CEP120: variants seen among roughly 807,000 people sequenced by gnomAD.
CEP120 encodes centrosomal protein of 120 kDa.
Under a neutral mutation model 126.5 loss-of-function variants are expected in CEP120, and 113 were observed. That is an observed-to-expected ratio of 0.89 (90% CI 0.77 to 1.04). The LOEUF (loss-of-function observed/expected upper bound fraction) is 1.04. Ranked by LOEUF, CEP120 falls within the 50% of genes least tolerant of loss-of-function variation. The pLI is 0.00. For missense variants in CEP120, 1,230 were observed against 1,155.7 expected, an observed-to-expected ratio of 1.06 and a Z score of -0.93; for synonymous variants, 400 against 394.3, an observed-to-expected ratio of 1.01 and a Z score of -0.17.
chr5:123,370,361 C>T (rs1181084113), intron 17 of CEP120, among the ~76,000 whole-genome samples: 2 of 152,008 alleles, frequency 1.3e-5, no homozygotes, highest in Admixed American at 6.6e-5. Context: ...TCTCTCCCTG[C>T]CACACTTTAG....
intron 11 of CEP120, among the ~76,000 whole-genome samples, chr5:123,383,338 A>C (rs1771790417): frequency 6.6e-6 from 1 of 152,088 alleles, no homozygotes; most frequent in African/African-American, 2.4e-5. Flanking sequence ...AAAAGGTATA[A>C]AGGTGAAATT....
chr5:123,418,891 GT>G (rs569320795), intron 1 of CEP120, among the ~76,000 whole-genome samples: 12 of 152,182 alleles, frequency 7.9e-5, no homozygotes, highest in Non-Finnish European at 1.3e-4. Context: ...CCTAGCATGT[GT>G]TTTTTTAAAA....
chr5:123,347,999 G>C (rs1166596202), intron 19 of CEP120, among the ~76,000 whole-genome samples: 1 of 152,090 alleles, frequency 6.6e-6, no homozygotes, highest in Non-Finnish European at 1.5e-5. Flanking sequence ...ACAGTGGTAA[G>C]AACACCCCAG....
rs750882552 is a variant in CEP120, at chr5:123,377,437, T to C, written c.2295A>G (p.Gln765=). The C allele has an allele frequency of 4.3e-6, 7 of 1,612,148 alleles. No homozygotes were observed. The highest frequency in any genetic ancestry group is 5.9e-6 in the Non-Finnish European group (7 of 1,179,336). ...TGATTTTTAACCTTTCTAGTTCTAC[T>C]TGGTGAATACAGTCCTCTTTGGCCC... The part of the protein sequence containing the change: ...IRRAKEDCIH[Q]VELERLKIKQ... Residue 765 remains glutamine, a synonymous_variant, in exon 16 of 20, where the codon CAA becomes CAG. Coordinates refer to ENST00000306467, the MANE Select transcript of CEP120 (RefSeq NM_001375405.1).
chr5:123,422,201 C>T (rs1002214456), intron 1 of CEP120, among the ~76,000 whole-genome samples: 4 of 152,080 alleles, frequency 2.6e-5, no homozygotes, highest in Non-Finnish European at 5.9e-5. Flanking sequence ...GCCTGGAATG[C>T]CCTTCCTTTT....
intron 18 of CEP120, among the ~76,000 whole-genome samples, chr5:123,362,040 T>C (rs1197643460): frequency 6.6e-6 from 1 of 151,748 alleles, no homozygotes; most frequent in African/African-American, 2.4e-5. Flanking sequence ...TTTCTACTAT[T>C]TATGCTGCTT....
rs528242133 is a variant in CEP120 at position 123,380,478 on chromosome 5, T to C, written c.2103+1633A>G. Among the ~76,000 whole-genome samples the C allele has an allele frequency of 2.6e-5, 4 of 152,086 alleles. No individual in the cohort carries two copies. In the South Asian group the frequency reaches 8.3e-4, roughly 32 times the overall value. ...TATTAACTAGCCAGGAACTCATCAT[T>C]TCAGGCTGAAAGGGTAGAAGTGTAT... is the stretch of plus-strand genomic sequence containing the variant. On this transcript the variant is annotated intron_variant, in intron 14 of 19. Transcript: ENST00000306467.
At chr5:123,397,461 T>C (rs187723029) in intron 5 of CEP120, among the ~76,000 whole-genome samples, 5 of 152,348 alleles carry the variant, frequency 3.3e-5, no homozygotes, top group Admixed American at 3.3e-4. Flanking sequence ...AATAGATATC[T>C]GGCTTTCCCT....
intron 3 of CEP120, among the ~76,000 whole-genome samples, chr5:123,414,512 G>T (rs1262325494): frequency 2.0e-5 from 3 of 152,110 alleles, no homozygotes; most frequent in Non-Finnish European, 4.4e-5. Flanking sequence ...CCCAATTTAA[G>T]ATTCAAATCA....
At chr5:123,382,944 A>G (rs753002379) in intron 12 of CEP120, 42 bp downstream of exon 12, 1 of 1,601,368 alleles carries the variant, frequency 6.2e-7, no homozygotes, top group East Asian at 2.2e-5. Flanking sequence ...TGCACATTAG[A>G]TTCCTTTTAA....
At chr5:123,416,853 T>C (rs1235367125) in intron 2 of CEP120, among the ~76,000 whole-genome samples, 1 of 152,066 alleles carries the variant, frequency 6.6e-6, no homozygotes, top group Non-Finnish European at 1.5e-5. Flanking sequence ...ATAGCTCTTT[T>C]GTAGCTAAAA....
chr5:123,360,157 T>C (rs770900411), intron 18 of CEP120, among the ~76,000 whole-genome samples: 1 of 151,956 alleles, frequency 6.6e-6, no homozygotes, highest in Non-Finnish European at 1.5e-5. Flanking sequence ...CAAAACCAGA[T>C]AGACGATTCC....
Position 123,377,475 on chromosome 5 carries a change from C to A in CEP120, c.2257G>T (p.Asp753Tyr). The A allele has an allele frequency of 1.2e-6, 2 of 1,606,002 alleles. No homozygotes were observed. Among genetic ancestry groups the A allele is most frequent in the Admixed American group, 1.7e-5 (1 of 57,278 alleles). ...TCCTCTTTGGCCCTACGGATAGAGTCCTGCAGTTCTTGCAGGTTCCGCTGA... is the reference window on the plus strand; with the variant it reads ...TCCTCTTTGGCCCTACGGATAGAGTACTGCAGTTCTTGCAGGTTCCGCTGA... ...ERQRNLQELQ[D>Y]SIRRAKEDCI... The change falls in exon 16 of 20, where the codon GAC becomes TAC. Residue 753 changes from aspartate to tyrosine, a missense_variant. Physicochemically the swap from Asp to Tyr is radical, Grantham distance 160. Transcript: ENST00000306467.
chr5:123,418,139 ATAT>A (rs1436216017), intron 2 of CEP120, among the ~76,000 whole-genome samples: 2 of 152,224 alleles, frequency 1.3e-5, no homozygotes, highest in Non-Finnish European at 2.9e-5. Flanking sequence ...TTTATTTAAA[ATAT>A]TATATAAAAC....
At chr5:123,393,633 G>A in intron 5 of CEP120, 136 bp from the exon 6 acceptor site, 1 of 692,798 alleles carries the variant, frequency 1.4e-6, no homozygotes, top group Non-Finnish European at 2.3e-6. Context: ...TAAAATTTCT[G>A]AATTTCTGCC....
chr5:123,400,563 A>G (rs1773119955), intron 4 of CEP120, among the ~76,000 whole-genome samples: 1 of 151,850 alleles, frequency 6.6e-6, no homozygotes, highest in South Asian at 2.1e-4. Flanking sequence ...TATATACTGA[A>G]GCGTCTATAT....
chr5:123,374,940 C>T (rs1771103357), intron 16 of CEP120, among the ~76,000 whole-genome samples: 1 of 152,110 alleles, frequency 6.6e-6, no homozygotes, highest in African/African-American at 2.4e-5. Flanking sequence ...CCACAAACTA[C>T]AGATTTGAGT....
intron 18 of CEP120, 27 bp downstream of exon 18, chr5:123,364,469 A>G: frequency 4.1e-6 from 6 of 1,466,338 alleles, no homozygotes; most frequent in Non-Finnish European, 5.6e-6. Flanking sequence ...AAAAAGATAT[A>G]AAAAGAATAA....
intron 17 of CEP120, among the ~76,000 whole-genome samples, chr5:123,370,113 C>T (rs531985767): frequency 1.3e-5 from 2 of 152,080 alleles, no homozygotes; most frequent in African/African-American, 2.4e-5. Flanking sequence ...AGGGTGCTGT[C>T]TTAAGAATAG....
Sources: gnomAD v4.1 joint callset for allele counts (sites outside exome capture counted in the v4.1 genomes callset) on GRCh38, gnomAD v4.1.1 for gene constraint, MANE v1.5 for transcripts, NCBI Gene and HGNC (gene_info 2026-07-23, HGNC 2026-07-21) for gene names.